Variants in MVP observed in about 807,000 individuals in gnomAD.
MVP encodes the protein lung resistance-related protein.
In MVP, 62 loss-of-function variants were observed where a neutral mutation model predicts 83.5. The observed-to-expected ratio is 0.74, with a 90% CI of 0.61 to 0.92. MVP has a LOEUF of 0.92. MVP is among the 40% of genes least tolerant of loss of function. The pLI is 0.00. For missense variants in MVP, 1,000 were observed against 1,203.4 expected (o/e 0.83, Z 2.50); for synonymous variants, 505 against 504.1 (o/e 1.00, Z -0.02).
At position 29,844,810 on chromosome 16, in the gene MVP, G is replaced by A. The variant is rs3764944; in HGVS notation, c.1952G>A (p.Arg651Gln). The A allele has an allele frequency of 2.8e-4, 454 of 1,608,912 alleles. 3 individuals carry two copies. In the East Asian group the frequency reaches 9.1e-3, roughly 32 times the overall value. The part of the protein sequence containing the change: ...QSVEPVDQRT[R>Q]DALQRSVQLA... The stretch of plus-strand genomic sequence containing the variant: ...GTGGAGCCTGTGGATCAGAGGACCC[G>A]GGACGCCCTGCAACGCAGCGTCCAG... Residue 651 changes from arginine (R) to glutamine (Q), a missense_variant, in exon 11 of 15, where the codon CGG becomes CAG. Physicochemically the swap from Arg to Gln is conservative, Grantham distance 43 (BLOSUM62 1). Transcript: ENST00000357402.
chr16:29,822,961 G>A lies in MVP; in HGVS notation c.-36+2451G>A, dbSNP rs370896922. Among the ~76,000 whole-genome samples, 10 of 151,240 alleles carry A rather than the reference G, an allele frequency of 6.6e-5. 2 individuals are homozygous for A. The highest frequency in any genetic ancestry group is 4.6e-4 in the Admixed American group (7 of 15,194). Reference sequence around the variant, plus strand: ...TCGAACTCCTGAGCTCAGGCAATCCGCCTGCCTTGGCCTCCCAAAGTGCTG... The same window carrying A: ...TCGAACTCCTGAGCTCAGGCAATCCACCTGCCTTGGCCTCCCAAAGTGCTG... On this transcript the variant is annotated intron_variant, in intron 1 of 14. Coordinates refer to ENST00000357402, the MANE Select transcript of MVP (RefSeq NM_005115.5).
intron 1 of MVP, among the ~76,000 whole-genome samples, chr16:29,822,093 T>TTTTTG (rs2067366643): frequency 6.6e-6 from 1 of 151,150 alleles, no homozygotes; most frequent in African/African-American, 2.4e-5. Flanking sequence ...TTTTGTTTTT[T>TTTTTG]TTTTTTTTTT....
Position 29,836,844 on chromosome 16 carries a change from G to T in MVP, c.795G>T (p.Glu265Asp), listed in dbSNP as rs2067491631. 3 of 1,613,848 alleles carry T rather than the reference G, an allele frequency of 1.9e-6. No homozygotes were observed. The highest frequency in any genetic ancestry group is 2.2e-5 in the South Asian group (2 of 91,090). The part of the protein sequence containing the change: ...DTEAHVPDVH[E>D]EVLGVVPITT... Reference sequence around the variant, plus strand: ...AGGCCCACGTGCCAGATGTCCACGAGGAGGTGCTGGGGGTTGTGCCCATCA... The same window carrying T: ...AGGCCCACGTGCCAGATGTCCACGATGAGGTGCTGGGGGTTGTGCCCATCA... Residue 265 changes from glutamate (E) to aspartate (D), a missense_variant, in exon 7 of 15, where the codon GAG (glutamate) becomes GAT (aspartate). By Grantham distance (45) the Glu-to-Asp change is conservative. Coordinates refer to ENST00000357402, the MANE Select transcript of MVP (RefSeq NM_005115.5).
Position 29,841,827 on chromosome 16 carries a change from G to A in MVP, c.1423G>A (p.Glu475Lys). 6.2e-7 allele frequency: 1 copy of A among 1,609,788 alleles called. No individual in the cohort carries two copies. The highest frequency in any genetic ancestry group is 8.5e-7 in the Non-Finnish European group (1 of 1,179,968). Reference sequence around the variant, plus strand: ...TGCGGTGCAGGTGTACGACTACCGAGAGAAGCGAGCCCGGTGAGTGCTGGC... The same window carrying A: ...TGCGGTGCAGGTGTACGACTACCGAAAGAAGCGAGCCCGGTGAGTGCTGGC... Reference protein sequence around the residue: ...NAAVQVYDYREKRARVVFGPE... With the variant: ...NAAVQVYDYRKKRARVVFGPE... Residue 475 changes from glutamate (E) to lysine (K), a missense_variant, in exon 9 of 15, where the codon GAG (glutamate) becomes AAG (lysine). Coordinates refer to ENST00000357402, the MANE Select transcript of MVP (RefSeq NM_005115.5). The surrounding 1 kb of genome is among the most constrained non-coding windows in gnomAD (Gnocchi z 4.7).
In MVP at chr16:29,841,563, A is replaced by G. The variant is rs1244230269; in HGVS notation, c.1192-33A>G. Reference sequence around the variant, plus strand: ...GCGGATCTTCCTCCCTTCCACCCTTACGGGCAGCTTCCCTCCCTGTCCTCG... The same window carrying G: ...GCGGATCTTCCTCCCTTCCACCCTTGCGGGCAGCTTCCCTCCCTGTCCTCG... On this transcript the variant is annotated intron_variant, in intron 8 of 14. Coordinates refer to ENST00000357402, the MANE Select transcript of MVP (RefSeq NM_005115.5). This position sits in a 1 kb window ranked among gnomAD's most constrained non-coding sequence, Gnocchi z 4.7. The G allele has an allele frequency of 6.5e-7, 1 of 1,545,340 alleles. No individual in the cohort carries two copies. The highest frequency in any genetic ancestry group is 8.7e-7 in the Non-Finnish European group (1 of 1,145,184).
chr16:29,843,001 G>A (rs935937959), intron 10 of MVP, among the ~76,000 whole-genome samples: 1 of 152,206 alleles, frequency 6.6e-6, no homozygotes, highest in Admixed American at 6.5e-5. Flanking sequence ...CTGCGCCCCC[G>A]CCCTGCTGTT....
chr16:29,828,988 G>A (rs1014052122), intron 1 of MVP, among the ~76,000 whole-genome samples: 5 of 151,988 alleles, frequency 3.3e-5, no homozygotes, highest in African/African-American at 1.2e-4. Flanking sequence ...GTTTTTCCTC[G>A]GCCAGGCCAC....
intron 5 of MVP, chr16:29,834,325 G>A (rs1026040002): frequency 2.2e-6 from 1 of 449,832 alleles, no homozygotes; most frequent in African/African-American, 2.0e-5. Context: ...GCTGTGGGCA[G>A]TGGCCATGAC....
chr16:29,844,359 G>A, intron 10 of MVP, 134 bp from the exon 11 acceptor site: 1 of 1,184,298 alleles, frequency 8.4e-7, no homozygotes, highest in South Asian at 1.7e-5. Flanking sequence ...AGCACTTTGG[G>A]AGGCTGAGGT....
At chr16:29,843,264 G>A (rs138640006) in intron 10 of MVP, among the ~76,000 whole-genome samples, 2,437 of 151,918 alleles carry the variant, frequency 0.016, 61 homozygotes, top group African/African-American at 0.057. Flanking sequence ...GGCTGTGGCA[G>A]GAGGATTGCT....
chr16:29,830,393 G>T, intron 1 of MVP, 122 bp from the exon 2 acceptor site: 1 of 755,648 alleles, frequency 1.3e-6, no homozygotes, highest in East Asian at 2.7e-5. Flanking sequence ...GGACAGGGAA[G>T]GGTGCAGTGG....
intron 1 of MVP, chr16:29,829,885 TA>T (rs1230423695): frequency 2.0e-4 from 31 of 152,700 alleles, no homozygotes; most frequent in African/African-American, 7.2e-4. Flanking sequence ...CCAGGATTAC[TA>T]AAGCATAGGA....
At position 29,844,486 on chromosome 16, in the gene MVP, T is replaced by C; in HGVS notation, c.1635-7T>C. 6.5e-7 allele frequency: 1 copy of C among 1,529,908 alleles called. No homozygotes were observed. Among genetic ancestry groups the C allele is most frequent in the Non-Finnish European group, 8.8e-7 (1 of 1,139,984 alleles). 94.8% of individuals were successfully genotyped at this position (1,529,908 alleles called of 1,614,324 possible). On this transcript the variant is annotated splice_polypyrimidine_tract_variant and splice_region_variant and intron_variant, in intron 10 of 14. Transcript: ENST00000357402. The stretch of plus-strand genomic sequence containing the variant: ...AGCTTCCCCATTCTGGGCCTGTTTG[T>C]TCACAGGCACTTTGAGGTGAATGAC...
chr16:29,833,931 C>G lies in MVP; in HGVS notation c.446-4C>G. 6.2e-7 allele frequency: 1 copy of G among 1,614,086 alleles called. No individual in the cohort carries two copies. Among genetic ancestry groups the G allele is most frequent in the Non-Finnish European group, 8.5e-7 (1 of 1,180,010 alleles). On this transcript the variant is annotated splice_polypyrimidine_tract_variant and splice_region_variant and intron_variant, in intron 4 of 14. Coordinates refer to ENST00000357402, the MANE Select transcript of MVP (RefSeq NM_005115.5). ...ACCTTCTGACCATCACCTTCCCTCC[C>G]CAGGCACGTACATCCCCCGGAAGGA...
rs1442788655 is a variant in MVP at position 29,842,035 on chromosome 16, G to A, written c.1557G>A (p.Gly519=). ...GCCGTGCGCTCTGCCTGCTGCTGGG[G>A]CCTGACTTCTTCACAGACGTCATCA... ...HARRALCLLL[G]PDFFTDVITI... is the part of the protein sequence containing the mutation. Residue 519 remains glycine, a synonymous_variant, in exon 10 of 15, where the codon GGG becomes GGA. Transcript: ENST00000357402. The A allele has an allele frequency of 3.7e-6, 6 of 1,610,788 alleles. No individual in the cohort carries two copies. Among genetic ancestry groups the A allele is most frequent in the Non-Finnish European group, 8.5e-7 (1 of 1,179,914 alleles).
intron 1 of MVP, among the ~76,000 whole-genome samples, chr16:29,822,348 C>G (rs1470488057): frequency 1.3e-5 from 2 of 151,802 alleles, no homozygotes; most frequent in African/African-American, 2.4e-5. Context: ...ATTTATGAGA[C>G]ACATTCTCAA....
rs2067541709 is a variant in MVP, at chr16:29,842,191, A to G, written c.1634+79A>G. 2.8e-6 allele frequency: 4 copies of G among 1,446,686 alleles called. No homozygotes were observed. In the African/African-American group the frequency reaches 5.6e-5, roughly 20 times the overall value. The allele number at this position is 1,446,686 out of a possible 1,614,324, so 89.6% of individuals were successfully genotyped here. ...GAGGCTGAGGTGGGAGGATCACTTG[A>G]GCCTAGGAGGTCCAGGCTGCAGTGA... is the stretch of plus-strand genomic sequence containing the variant. On this transcript the variant is annotated intron_variant, in intron 10 of 14. Coordinates refer to ENST00000357402, the MANE Select transcript of MVP (RefSeq NM_005115.5).
Position 29,841,528 on chromosome 16 carries a change from G to T in MVP, c.1192-68G>T. 1.3e-6 allele frequency: 2 copies of T among 1,512,940 alleles called. No homozygotes were observed. The highest frequency in any genetic ancestry group is 1.8e-6 in the Non-Finnish European group (2 of 1,131,940). The allele number at this position is 1,512,940 out of a possible 1,614,324, so 93.7% of individuals were successfully genotyped here. ...CCTTCCCTGGATGGGCTCTGCTTTG[G>T]GACAGCTGGGCGGATCTTCCTCCCT... On this transcript the variant is annotated intron_variant, in intron 8 of 14. Transcript: ENST00000357402. This position sits in a 1 kb window ranked among gnomAD's most constrained non-coding sequence, Gnocchi z 4.7.
chr16:29,824,503 G>A (rs931933624), intron 1 of MVP, among the ~76,000 whole-genome samples: 2 of 152,096 alleles, frequency 1.3e-5, no homozygotes, highest in African/African-American at 2.4e-5. Flanking sequence ...GGTGGTTCAC[G>A]CCTGTAATCC....
Sources: allele counts gnomAD v4.1 joint callset (sites outside exome capture counted in the v4.1 genomes callset), GRCh38; gene constraint gnomAD v4.1.1; non-coding constraint Gnocchi (gnomAD v3.1); transcripts MANE v1.5; gene names NCBI Gene and HGNC (gene_info 2026-07-23, HGNC 2026-07-21).